Variants in PLLP observed in about 807,000 individuals in gnomAD.
The protein encoded by PLLP is plasma membrane proteolipid (plasmolipin).
A neutral mutation model predicts 19.7 loss-of-function variants in PLLP; 15 were observed. The observed-to-expected ratio is 0.76, with a 90% CI of 0.51 to 1.17. The LOEUF (loss-of-function observed/expected upper bound fraction) is 1.17, where lower values mean the gene tolerates loss of function less well. PLLP is among the 50% of genes most tolerant of loss of function. The probability of loss-of-function intolerance (pLI) is 0.00; values close to 1 mark genes in which losing one functional copy is unlikely to be tolerated. For missense variants in PLLP, 255 were observed against 258.3 expected (o/e 0.99, Z 0.09); for synonymous variants, 111 against 116.3 (o/e 0.95, Z 0.29).
At chr16:57,281,016 T>C (rs1901212671) in intron 1 of PLLP, among the ~76,000 whole-genome samples, 1 of 152,182 alleles carries the variant, frequency 6.6e-6, no homozygotes, top group Admixed American at 6.5e-5. Flanking sequence ...GAGAATTAGC[T>C]TCCATTTTCT....
At chr16:57,263,746 G>A (rs1291743121) in intron 1 of PLLP, among the ~76,000 whole-genome samples, 2 of 144,758 alleles carry the variant, frequency 1.4e-5, no homozygotes, top group East Asian at 4.2e-4. Flanking sequence ...CCTTGCTGGT[G>A]GAGATGCTCT....
intron 2 of PLLP, among the ~76,000 whole-genome samples, chr16:57,261,629 G>A (rs1426564443): frequency 4.6e-5 from 7 of 152,150 alleles, no homozygotes; most frequent in African/African-American, 1.7e-4. Flanking sequence ...GCTGAGATGG[G>A]AGGATCACAT....
intron 1 of PLLP, among the ~76,000 whole-genome samples, chr16:57,275,661 A>AC (rs1252817405): frequency 1.0e-4 from 12 of 118,692 alleles, no homozygotes; most frequent in South Asian, 2.8e-4. Flanking sequence ...AAAAAAAAAA[A>AC]CACCATGAGA....
chr16:57,272,985 C>A (rs376015608), intron 1 of PLLP, among the ~76,000 whole-genome samples: 1 of 151,252 alleles, frequency 6.6e-6, no homozygotes, highest in Non-Finnish European at 1.5e-5. Context: ...GGGGTCCAGG[C>A]GCGGTGGCTC....
chr16:57,278,760 C>T (rs1182763007), intron 1 of PLLP, among the ~76,000 whole-genome samples: 1 of 152,190 alleles, frequency 6.6e-6, no homozygotes, highest in African/African-American at 2.4e-5. Context: ...CCGGGAGTCT[C>T]AGACATTGCA....
chr16:57,284,649 G>C lies in PLLP; in HGVS notation c.-109C>G. ...CCCCCAGGCTCCGGATCCCTGTGTG[G>C]CTCCAGGCGCTGCAGGAGGCGTCGG... On this transcript the variant is annotated 5_prime_UTR_variant, in exon 1 of 4. Transcript: ENST00000219207. 9.1e-7 allele frequency: 1 copy of C among 1,095,434 alleles called. No homozygotes were observed. Among genetic ancestry groups the C allele is most frequent in the South Asian group, 3.8e-5 (1 of 26,064 alleles). The allele number at this position is 1,095,434 out of a possible 1,614,324, so 67.9% of individuals were successfully genotyped here. A position where few individuals can be genotyped will look rare whatever the true frequency, so the allele number is the denominator to read the frequency against.
At chr16:57,281,827 T>C (rs1268362506) in intron 1 of PLLP, among the ~76,000 whole-genome samples, 7 of 152,104 alleles carry the variant, frequency 4.6e-5, no homozygotes, top group African/African-American at 1.7e-4. Flanking sequence ...AGCAGATTTC[T>C]AAGGCACTAA....
At chr16:57,274,213 G>C (rs11647598) in intron 1 of PLLP, among the ~76,000 whole-genome samples, 78,156 of 151,738 alleles carry the variant, frequency 0.52, 20,523 homozygotes, top group South Asian at 0.71. Flanking sequence ...GAACTCCTAG[G>C]CTCAAGTGAT....
intron 1 of PLLP, among the ~76,000 whole-genome samples, chr16:57,270,208 C>A (rs1249379890): frequency 7.6e-5 from 11 of 144,836 alleles, no homozygotes; most frequent in Middle Eastern, 3.3e-3. Context: ...ACCCCCTTTT[C>A]CAGCCCCCAA....
rs1426342332 is a variant in PLLP, at chr16:57,257,008, T to A, written c.454A>T (p.Ile152Phe). 1.2e-6 allele frequency: 2 copies of A among 1,613,508 alleles called. No homozygotes were observed. Among genetic ancestry groups the A allele is most frequent in the Non-Finnish European group, 1.7e-6 (2 of 1,179,616 alleles). Residue 152 changes from isoleucine (I) to phenylalanine (F), a missense_variant, in exon 4 of 4, where the codon ATC becomes TTC. Coordinates refer to ENST00000219207, the MANE Select transcript of PLLP (RefSeq NM_015993.3). Reference protein sequence around the residue: ...AASFFACLVMIAYGVSAFFSY... With the variant: ...AASFFACLVMFAYGVSAFFSY... Reference sequence around the variant, plus strand: ...AAGAAGGCACTCACTCCATAGGCGATCATCACCAAACACGCAAAGAACTGA... The same window carrying A: ...AAGAAGGCACTCACTCCATAGGCGAACATCACCAAACACGCAAAGAACTGA...
chr16:57,266,191 G>A (rs149752633), intron 1 of PLLP, among the ~76,000 whole-genome samples: 207 of 152,190 alleles, frequency 1.4e-3, no homozygotes, highest in African/African-American at 4.6e-3. Flanking sequence ...CCCACTGCCC[G>A]CCGCCATCCC....
chr16:57,284,660 T>C lies in PLLP; in HGVS notation c.-120A>G, dbSNP rs1021819281. ...CGGATCCCTGTGTGGCTCCAGGCGC[T>C]GCAGGAGGCGTCGGGGCTGGGAGCC... On this transcript the variant is annotated 5_prime_UTR_variant, in exon 1 of 4. Coordinates refer to ENST00000219207, the MANE Select transcript of PLLP (RefSeq NM_015993.3). 1 of 1,020,992 alleles carries C rather than the reference T, an allele frequency of 9.8e-7. No individual in the cohort carries two copies. The highest frequency in any genetic ancestry group is 1.3e-6 in the Non-Finnish European group (1 of 792,846). 63.2% of individuals were successfully genotyped at this position (1,020,992 alleles called of 1,614,324 possible).
At chr16:57,260,371 TTC>T (rs2075438420) in intron 2 of PLLP, among the ~76,000 whole-genome samples, 1 of 152,130 alleles carries the variant, frequency 6.6e-6, no homozygotes, top group East Asian at 1.9e-4. Flanking sequence ...CTCTGGAGAT[TTC>T]TCTCTTAGAG....
At chr16:57,269,015 T>G (rs924051691) in intron 1 of PLLP, among the ~76,000 whole-genome samples, 14 of 152,122 alleles carry the variant, frequency 9.2e-5, no homozygotes, top group Admixed American at 7.9e-4. Flanking sequence ...ACCTGACAGA[T>G]AAGGCGGTGG....
chr16:57,275,355 C>A (rs1901136898), intron 1 of PLLP, among the ~76,000 whole-genome samples: 1 of 151,976 alleles, frequency 6.6e-6, no homozygotes, highest in Admixed American at 6.6e-5. Context: ...CTAAACTAGT[C>A]CCCATTGATG....
At chr16:57,259,014 G>A (rs2075434528) in intron 2 of PLLP, among the ~76,000 whole-genome samples, 1 of 151,192 alleles carries the variant, frequency 6.6e-6, no homozygotes, top group Non-Finnish European at 1.5e-5. Flanking sequence ...ATTGGATGGT[G>A]ATGCAAACAC....
At chr16:57,265,880 A>G (rs1367804516) in intron 1 of PLLP, among the ~76,000 whole-genome samples, 1 of 152,190 alleles carries the variant, frequency 6.6e-6, no homozygotes, top group African/African-American at 2.4e-5. Context: ...TATAACATTT[A>G]GCTGGGCATA....
chr16:57,262,160 G>T, intron 1 of PLLP, 90 bp from the exon 2 acceptor site: 1 of 1,296,718 alleles, frequency 7.7e-7, no homozygotes, highest in Non-Finnish European at 1.1e-6. Context: ...AGTGGCTCAT[G>T]CCTGTAATGT....
At chr16:57,282,319 T>G (rs1567533936) in intron 1 of PLLP, among the ~76,000 whole-genome samples, 1 of 151,906 alleles carries the variant, frequency 6.6e-6, no homozygotes, top group Non-Finnish European at 1.5e-5. Context: ...TCAAAGTCAC[T>G]GTAGCCTCAA....
Sources: allele counts gnomAD v4.1 joint callset (sites outside exome capture counted in the v4.1 genomes callset), GRCh38; gene constraint gnomAD v4.1.1; transcripts MANE v1.5; gene names NCBI Gene and HGNC (gene_info 2026-07-23, HGNC 2026-07-21).